CFH: variants seen among roughly 807,000 people sequenced by gnomAD.
CFH encodes the protein complement factor H, also known as H factor 1 (complement).
A neutral mutation model predicts 147.3 loss-of-function variants in CFH; 53 were observed. That is an observed-to-expected ratio of 0.36 (90% CI 0.29 to 0.45). The LOEUF (loss-of-function observed/expected upper bound fraction) is 0.45. Ranked by LOEUF, CFH falls within the 20% of genes least tolerant of loss-of-function variation. The probability of loss-of-function intolerance (pLI) is 1.00; values close to 1 mark genes in which losing one functional copy is unlikely to be tolerated. For synonymous variants in CFH, 536 were observed against 489.4 expected (o/e 1.10, Z -1.26); for missense variants, 1,380 against 1,498.0 (o/e 0.92, Z 1.30).
chr1:196,692,124 A>C (rs938718180), intron 9 of CFH, among the ~76,000 whole-genome samples: 1 of 151,800 alleles, frequency 6.6e-6, no homozygotes, highest in Non-Finnish European at 1.5e-5. Context: ...CCCTCTATTG[A>C]ATTTTATTTA....
rs121913051 is a variant in CFH at position 196,747,260 on chromosome 1, C to T, written c.3643C>T (p.Arg1215Ter). The change falls in exon 22 of 22, where the codon CGA becomes TGA. Residue 1215 changes from arginine (R) to a stop codon, truncating the protein, a stop_gained. Transcript: ENST00000367429. LOFTEE classifies it low-confidence loss of function (END_TRUNC). ...TCTTTCATCACGTTCTCACACATTG[C>T]GAACAACATGTTGGGATGGGAAACT... ...YRLSSRSHTL[R>*]TTCWDGKLEY... The T allele has an allele frequency of 3.1e-6, 5 of 1,613,908 alleles. No homozygotes were observed. Among genetic ancestry groups the T allele is most frequent in the Non-Finnish European group, 3.4e-6 (4 of 1,179,916 alleles).
chr1:196,678,009 A>T (rs1573014220), intron 5 of CFH: 1 of 318,192 alleles, frequency 3.1e-6, no homozygotes, highest in East Asian at 7.7e-5. Flanking sequence ...CCATAACTCC[A>T]TTGTAGTTGT....
intron 9 of CFH, among the ~76,000 whole-genome samples, chr1:196,696,478 T>G (rs545290557): frequency 1.0e-3 from 156 of 152,284 alleles, no homozygotes; most frequent in Non-Finnish European, 1.8e-3. Flanking sequence ...GAGGAAAATT[T>G]ATCGCACTAA....
chr1:196,727,320 A>G (rs1669169343), intron 14 of CFH, among the ~76,000 whole-genome samples: 2 of 152,132 alleles, frequency 1.3e-5, no homozygotes, highest in South Asian at 2.1e-4. Flanking sequence ...TGGGCAATAT[A>G]GCAAAAGCCC....
intron 6 of CFH, among the ~76,000 whole-genome samples, chr1:196,684,518 C>A (rs539733849): frequency 6.6e-6 from 1 of 151,960 alleles, no homozygotes; most frequent in South Asian, 2.1e-4. Flanking sequence ...TCATGTCCTT[C>A]TTTAATCGCG....
At chr1:196,703,984 A>AAAG (rs1291598803) in intron 9 of CFH, among the ~76,000 whole-genome samples, 7 of 147,804 alleles carry the variant, frequency 4.7e-5, no homozygotes, top group African/African-American at 1.7e-4. Context: ...GACTCTGTCA[A>AAAG]AAAAAAAAAA....
chr1:196,657,615 T>C (rs141101730), intron 1 of CFH, among the ~76,000 whole-genome samples: 71 of 152,318 alleles, frequency 4.7e-4, no homozygotes, highest in African/African-American at 1.6e-3. Flanking sequence ...GAATAAATAG[T>C]ATTACTATAG....
At chr1:196,688,879 G>A (rs1204214330) in intron 7 of CFH, among the ~76,000 whole-genome samples, 1 of 152,070 alleles carries the variant, frequency 6.6e-6, no homozygotes, top group Non-Finnish European at 1.5e-5. Flanking sequence ...CCAAAGTGCT[G>A]GGATTACAGG....
At chr1:196,695,676 T>C (rs1011324528) in intron 9 of CFH, among the ~76,000 whole-genome samples, 3 of 152,138 alleles carry the variant, frequency 2.0e-5, no homozygotes, top group African/African-American at 7.2e-5. Context: ...CCCTCTCTTA[T>C]TTCCCTGAGC....
chr1:196,739,594 C>G (rs1213757812), intron 17 of CFH, among the ~76,000 whole-genome samples: 1 of 152,200 alleles, frequency 6.6e-6, no homozygotes, highest in East Asian at 1.9e-4. Flanking sequence ...GTCCATATCA[C>G]TGTGAGTATT....
intron 17 of CFH, among the ~76,000 whole-genome samples, chr1:196,740,266 A>G (rs745487746): frequency 3.9e-5 from 6 of 152,108 alleles, no homozygotes; most frequent in South Asian, 4.1e-4. Context: ...TTCTTCCCAC[A>G]ATGCCCCTTC....
At chr1:196,733,055 G>T (rs929160317) in intron 15 of CFH, among the ~76,000 whole-genome samples, 1 of 151,984 alleles carries the variant, frequency 6.6e-6, no homozygotes, top group Non-Finnish European at 1.5e-5. Flanking sequence ...TTAAGGAGAC[G>T]ATCTCTTGAG....
intron 11 of CFH, among the ~76,000 whole-genome samples, chr1:196,722,500 C>G (rs1354053799): frequency 6.6e-6 from 1 of 152,016 alleles, no homozygotes; most frequent in Non-Finnish European, 1.5e-5. Flanking sequence ...AGATGCTTTT[C>G]TCTTGCTGAT....
At chr1:196,708,412 A>C (rs1668646143) in intron 9 of CFH, among the ~76,000 whole-genome samples, 1 of 152,194 alleles carries the variant, frequency 6.6e-6, no homozygotes. Flanking sequence ...TGCCTATCAT[A>C]AATGGAAAGT....
chr1:196,703,881 G>A (rs1451837758), intron 9 of CFH, among the ~76,000 whole-genome samples: 2 of 149,668 alleles, frequency 1.3e-5, no homozygotes, highest in African/African-American at 2.5e-5. Context: ...CTACTCGGGA[G>A]GCTGAGGCAG....
Position 196,736,969 on chromosome 1 carries a change from C to T in CFH, c.2559C>T (p.Cys853=). 1 of 1,611,202 alleles carries T rather than the reference C, an allele frequency of 6.2e-7. No individual in the cohort carries two copies. Among genetic ancestry groups the T allele is most frequent in the Non-Finnish European group, 8.5e-7 (1 of 1,178,180 alleles). Residue 853 remains cysteine, a synonymous_variant, in exon 16 of 22, where the codon TGC becomes TGT. Transcript: ENST00000367429. ...YLIQEGEEIT[C]KDGRWQSIPL... is the part of the protein sequence containing the mutation. ...TTCAGGAAGGAGAAGAAATTACATGCAAAGATGGAAGATGGCAGTCAATAC... is the reference window on the plus strand; with the variant it reads ...TTCAGGAAGGAGAAGAAATTACATGTAAAGATGGAAGATGGCAGTCAATAC...
At chr1:196,715,262 G>T (rs6688272) in intron 10 of CFH, among the ~76,000 whole-genome samples, 66,644 of 151,576 alleles carry the variant, frequency 0.44, 14,790 homozygotes, top group South Asian at 0.56. Flanking sequence ...ATTCTGTTAT[G>T]ATTTTCTTTA....
At chr1:196,683,431 G>A (rs1252732574) in intron 6 of CFH, among the ~76,000 whole-genome samples, 1 of 151,706 alleles carries the variant, frequency 6.6e-6, no homozygotes, top group African/African-American at 2.4e-5. Flanking sequence ...GTAGTAGTGA[G>A]TTAAAGAATA....
At position 196,747,321 on chromosome 1, in the gene CFH, C is replaced by A. The variant is rs745678648; in HGVS notation, c.*8C>A. On this transcript the variant is annotated 3_prime_UTR_variant, in exon 22 of 22. Transcript: ENST00000367429. ...ACTTGTGCAAAAAGATAGAATCAAT[C>A]ATAAAGTGCACACCTTTATTCAGAA... 6.2e-7 allele frequency: 1 copy of A among 1,614,042 alleles called. No homozygotes were observed. The highest frequency in any genetic ancestry group is 8.5e-7 in the Non-Finnish European group (1 of 1,179,950).
Sources: allele counts gnomAD v4.1 joint callset (sites outside exome capture counted in the v4.1 genomes callset), GRCh38; gene constraint gnomAD v4.1.1; transcripts MANE v1.5; gene names NCBI Gene and HGNC (gene_info 2026-07-23, HGNC 2026-07-21).